The following ASB18 variants were observed in gnomAD, a reference collection of about 807,000 sequenced individuals.
The protein encoded by ASB18 is ankyrin repeat and SOCS box protein 18.
Under a neutral mutation model 33.4 loss-of-function variants are expected in ASB18, and 33 were observed. The observed-to-expected ratio is 0.99, with a 90% CI of 0.75 to 1.32. The LOEUF is 1.32. ASB18 is among the 40% of genes most tolerant of loss of function. ASB18 has a pLI of 0.00. For missense variants in ASB18, 694 were observed against 655.5 expected (o/e 1.06, Z -0.64); for synonymous variants, 295 against 307.6 (o/e 0.96, Z 0.43).
chr2:236,254,818 G>A (rs2060684668), intron 1 of ASB18, among the ~76,000 whole-genome samples: 1 of 152,090 alleles, frequency 6.6e-6, no homozygotes, highest in Admixed American at 6.6e-5. Flanking sequence ...CAGATCTCAT[G>A]CCAATTATCA....
In ASB18 at chr2:236,253,752, A is replaced by G. The variant is rs1018771282; in HGVS notation, c.205+10389T>C. 1 of 152,242 alleles carries G rather than the reference A, an allele frequency of 6.6e-6. No individual in the cohort carries two copies. Among genetic ancestry groups the G allele is most frequent in the African/African-American group, 2.4e-5 (1 of 41,458 alleles). The allele number at this position is 152,242 out of a possible 1,614,324, so 9.4% of individuals were successfully genotyped here. Reference sequence around the variant, plus strand: ...AAAATAAAACCGAAAAACGACAGGTAATTACAAGTCTGCAAATCACACACA... The same window carrying G: ...AAAATAAAACCGAAAAACGACAGGTGATTACAAGTCTGCAAATCACACACA... On this transcript the variant is annotated intron_variant, in intron 1 of 5. Transcript: ENST00000409749. This position sits in a 1 kb window ranked among gnomAD's most constrained non-coding sequence, Gnocchi z 5.4.
At chr2:236,206,364 C>G (rs926156740) in intron 4 of ASB18, among the ~76,000 whole-genome samples, 1 of 152,126 alleles carries the variant, frequency 6.6e-6, no homozygotes, top group Non-Finnish European at 1.5e-5. Flanking sequence ...ACTGAGGACA[C>G]CTCCTCAGGG....
rs1442764678 is a variant in ASB18 at position 236,211,602 on chromosome 2, G to A, written c.1101+2760C>T. Among the ~76,000 whole-genome samples, 10 of 152,216 alleles carry A rather than the reference G, an allele frequency of 6.6e-5. No individual in the cohort carries two copies. Among genetic ancestry groups the A allele is most frequent in the Non-Finnish European group, 1.2e-4 (8 of 68,036 alleles). On this transcript the variant is annotated intron_variant, in intron 4 of 5. Coordinates refer to ENST00000409749, the MANE Select transcript of ASB18 (RefSeq NM_212556.4). This position sits in a 1 kb window ranked among gnomAD's most constrained non-coding sequence, Gnocchi z 5.0. ...GTGCTGGTGACTCTACGCTCGGCTC[G>A]CCATGGCGCCCGTGTGGTGCCTGCC...
At position 236,204,903 on chromosome 2, in the gene ASB18, C is replaced by T. The variant is rs1202514116; in HGVS notation, c.1102-8518G>A. 6.6e-6 allele frequency among the ~76,000 whole-genome samples: 1 copy of T among 152,204 alleles called. No homozygotes were observed. The highest frequency in any genetic ancestry group is 1.5e-5 in the Non-Finnish European group (1 of 68,050). Reference sequence around the variant, plus strand: ...TTCTTGCAGTCTCTTGGGCTAGAATCAGAGTCGTCCATTGCTCCTGTTTCT... The same window carrying T: ...TTCTTGCAGTCTCTTGGGCTAGAATTAGAGTCGTCCATTGCTCCTGTTTCT... On this transcript the variant is annotated intron_variant, in intron 4 of 5. Transcript: ENST00000409749. The surrounding 1 kb of genome is among the most constrained non-coding windows in gnomAD (Gnocchi z 5.1).
rs1232973250 is a variant in ASB18, at chr2:236,263,069, A to G, written c.205+1072T>C. On this transcript the variant is annotated intron_variant, in intron 1 of 5. Transcript: ENST00000409749. The surrounding 1 kb of genome is among the most constrained non-coding windows in gnomAD (Gnocchi z 4.0). ...TGTGTGCACCTATGTTGGGAGGGAGAATGGGGGTGGAAAGGAGCCCTCAGC... is the reference window on the plus strand; with the variant it reads ...TGTGTGCACCTATGTTGGGAGGGAGGATGGGGGTGGAAAGGAGCCCTCAGC... Among the ~76,000 whole-genome samples, 1 of 152,072 alleles carries G rather than the reference A, an allele frequency of 6.6e-6. No homozygotes were observed. Among genetic ancestry groups the G allele is most frequent in the Non-Finnish European group, 1.5e-5 (1 of 68,020 alleles).
rs752131819 is a variant in ASB18, at chr2:236,238,004, G to A, written c.329-48C>T. ...TAAGGTCAGGGGGAGGTTAGTTGTG[G>A]TGGTGGTGGGCGGTGTTCCTTAAGG... On this transcript the variant is annotated intron_variant, in intron 2 of 5. Transcript: ENST00000409749. The surrounding 1 kb of genome is among the most constrained non-coding windows in gnomAD (Gnocchi z 5.2). 1 of 1,333,996 alleles carries A rather than the reference G, an allele frequency of 7.5e-7. No homozygotes were observed. The highest frequency in any genetic ancestry group is 9.6e-7 in the Non-Finnish European group (1 of 1,043,580). The allele number at this position is 1,333,996 out of a possible 1,614,324, so 82.6% of individuals were successfully genotyped here. A position where few individuals can be genotyped will look rare whatever the true frequency, so the allele number is the denominator to read the frequency against.
rs1028792978 is a variant in ASB18, at chr2:236,203,076, C to T, written c.1102-6691G>A. ...CCCTGTTATAGCTGGGTTGTATGCT[C>T]ACCACCTGTCCTTTAAGCCATCCCT... On this transcript the variant is annotated intron_variant, in intron 4 of 5. Coordinates refer to ENST00000409749, the MANE Select transcript of ASB18 (RefSeq NM_212556.4). The surrounding 1 kb of genome is among the most constrained non-coding windows in gnomAD (Gnocchi z 6.0). Among the ~76,000 whole-genome samples, 3 of 152,080 alleles carry T rather than the reference C, an allele frequency of 2.0e-5. No individual in the cohort carries two copies. Among genetic ancestry groups the T allele is most frequent in the South Asian group, 2.1e-4 (1 of 4,820 alleles).
At chr2:236,243,585 C>A (rs576663516) in intron 1 of ASB18, among the ~76,000 whole-genome samples, 1 of 152,098 alleles carries the variant, frequency 6.6e-6, no homozygotes, top group African/African-American at 2.4e-5. Context: ...TGCGGGGTTC[C>A]CAAAGACATG....
rs923009322 is a variant in ASB18, at chr2:236,234,084, G to T, written c.596+3605C>A. 6.6e-6 allele frequency among the ~76,000 whole-genome samples: 1 copy of T among 152,222 alleles called. No individual in the cohort carries two copies. Among genetic ancestry groups the T allele is most frequent in the African/African-American group, 2.4e-5 (1 of 41,450 alleles). On this transcript the variant is annotated intron_variant, in intron 3 of 5. Transcript: ENST00000409749. The surrounding 1 kb of genome is among the most constrained non-coding windows in gnomAD (Gnocchi z 4.1). ...ATGAAACAGAATAGAGATGAAGGGG[G>T]ATGGCTCTGCCATGGCACCTTGGTG...
rs1022585003 is a variant in ASB18 at position 236,239,827 on chromosome 2, C to T, written c.328+1453G>A. ...TTCAAACAGGGTCTGGTCGTTTCTG[C>T]TGCTGGATCTGCTGCAGGGCAGTCA... On this transcript the variant is annotated intron_variant, in intron 2 of 5. Coordinates refer to ENST00000409749, the MANE Select transcript of ASB18 (RefSeq NM_212556.4). This position sits in a 1 kb window ranked among gnomAD's most constrained non-coding sequence, Gnocchi z 5.6. 6.6e-6 allele frequency among the ~76,000 whole-genome samples: 1 copy of T among 152,226 alleles called. No homozygotes were observed. Among genetic ancestry groups the T allele is most frequent in the Non-Finnish European group, 1.5e-5 (1 of 68,038 alleles).
At position 236,194,053 on chromosome 2, in the gene ASB18, A is replaced by C. The variant is rs2060360032; in HGVS notation, c.*819T>G. On this transcript the variant is annotated 3_prime_UTR_variant, in exon 6 of 6. Transcript: ENST00000409749. This position sits in a 1 kb window ranked among gnomAD's most constrained non-coding sequence, Gnocchi z 4.5. Reference sequence around the variant, plus strand: ...TGGCCACGCACGACCCTGAACTAGAATAAGCACATTAGAATATGAATGAAT... The same window carrying C: ...TGGCCACGCACGACCCTGAACTAGACTAAGCACATTAGAATATGAATGAAT... 6.7e-6 allele frequency among the ~76,000 whole-genome samples: 1 copy of C among 149,794 alleles called. No individual in the cohort carries two copies. The highest frequency in any genetic ancestry group is 3.4e-3 in the Middle Eastern group (1 of 294).
intron 4 of ASB18, among the ~76,000 whole-genome samples, chr2:236,202,814 T>TACAC (rs1553599254): frequency 1.6e-5 from 2 of 126,576 alleles, no homozygotes; most frequent in African/African-American, 6.4e-5. Flanking sequence ...TATATATATA[T>TACAC]ACACACACCT....
chr2:236,259,042 C>T lies in ASB18; in HGVS notation c.205+5099G>A, dbSNP rs886551709. On this transcript the variant is annotated intron_variant, in intron 1 of 5. Coordinates refer to ENST00000409749, the MANE Select transcript of ASB18 (RefSeq NM_212556.4). This position sits in a 1 kb window ranked among gnomAD's most constrained non-coding sequence, Gnocchi z 4.4. ...TTGTACAGTTGATGCATTTGGGGGG[C>T]GAGATGGGTCTCACTGCCCCTCCCC... 2.6e-5 allele frequency among the ~76,000 whole-genome samples: 4 copies of T among 152,110 alleles called. No individual in the cohort carries two copies. The highest frequency in any genetic ancestry group is 6.5e-5 in the Admixed American group (1 of 15,274).
Position 236,213,877 on chromosome 2 carries a change from A to C in ASB18, c.1101+485T>G, listed in dbSNP as rs2060469989. ...AGAGAAGTCTGCAAATGTACGAAGCACTCTCATTAACAAGGTGGATGATCA... is the reference window on the plus strand; with the variant it reads ...AGAGAAGTCTGCAAATGTACGAAGCCCTCTCATTAACAAGGTGGATGATCA... On this transcript the variant is annotated intron_variant, in intron 4 of 5. Transcript: ENST00000409749. This position sits in a 1 kb window ranked among gnomAD's most constrained non-coding sequence, Gnocchi z 4.8. The C allele has an allele frequency of 6.1e-6, 1 of 164,394 alleles. No individual in the cohort carries two copies. Among genetic ancestry groups the C allele is most frequent in the African/African-American group, 2.4e-5 (1 of 41,514 alleles). The allele number at this position is 164,394 out of a possible 1,614,324, so 10.2% of individuals were successfully genotyped here.
Position 236,251,699 on chromosome 2 carries a change from A to G in ASB18, c.206-10297T>C, listed in dbSNP as rs2060669646. 6.6e-6 allele frequency among the ~76,000 whole-genome samples: 1 copy of G among 152,214 alleles called. No homozygotes were observed. The highest frequency in any genetic ancestry group is 2.4e-5 in the African/African-American group (1 of 41,460). On this transcript the variant is annotated intron_variant, in intron 1 of 5. Transcript: ENST00000409749. This position sits in a 1 kb window ranked among gnomAD's most constrained non-coding sequence, Gnocchi z 5.3. Reference sequence around the variant, plus strand: ...AACTTTAAACTTCCAACGGAAAAACAGGAAAAAAAATGATAAGAACTGTAA... The same window carrying G: ...AACTTTAAACTTCCAACGGAAAAACGGGAAAAAAAATGATAAGAACTGTAA...
Position 236,195,943 on chromosome 2 carries a change from A to G in ASB18, c.1215+329T>C, listed in dbSNP as rs2060369582. The G allele has an allele frequency of 5.4e-6, 2 of 373,238 alleles. No individual in the cohort carries two copies. Among genetic ancestry groups the G allele is most frequent in the African/African-American group, 2.1e-5 (1 of 47,864 alleles). 23.1% of individuals were successfully genotyped at this position (373,238 alleles called of 1,614,324 possible). ...AGCTGACTCACAGGGCCGGATTAGTATGTCCTGACGTGGAGCTAGGCCCGT... is the reference window on the plus strand; with the variant it reads ...AGCTGACTCACAGGGCCGGATTAGTGTGTCCTGACGTGGAGCTAGGCCCGT... On this transcript the variant is annotated intron_variant, in intron 5 of 5. Coordinates refer to ENST00000409749, the MANE Select transcript of ASB18 (RefSeq NM_212556.4). This position sits in a 1 kb window ranked among gnomAD's most constrained non-coding sequence, Gnocchi z 5.5.
rs1413804886 is a variant in ASB18 at position 236,195,749 on chromosome 2, C to T, written c.1215+523G>A. Among the ~76,000 whole-genome samples the T allele has an allele frequency of 6.6e-6, 1 of 152,186 alleles. No homozygotes were observed. The highest frequency in any genetic ancestry group is 1.9e-4 in the East Asian group (1 of 5,188). On this transcript the variant is annotated intron_variant, in intron 5 of 5. Coordinates refer to ENST00000409749, the MANE Select transcript of ASB18 (RefSeq NM_212556.4). The surrounding 1 kb of genome is among the most constrained non-coding windows in gnomAD (Gnocchi z 5.5). ...CAGTCTGGTCTTGAACTCCTGACCT[C>T]AAGCGATCTGCCTGCCTTGGCCTCT...
In ASB18 at chr2:236,228,453, C is replaced by T. The variant is rs1174076886; in HGVS notation, c.596+9236G>A. 6.6e-6 allele frequency among the ~76,000 whole-genome samples: 1 copy of T among 152,156 alleles called. No individual in the cohort carries two copies. The highest frequency in any genetic ancestry group is 1.5e-5 in the Non-Finnish European group (1 of 68,018). ...AAAGCTTCACACAGAAAGAACTTTG[C>T]AGAGGGCCCCCTTGATTATTCAGCT... On this transcript the variant is annotated intron_variant, in intron 3 of 5. Coordinates refer to ENST00000409749, the MANE Select transcript of ASB18 (RefSeq NM_212556.4). This position sits in a 1 kb window ranked among gnomAD's most constrained non-coding sequence, Gnocchi z 5.1.
At chr2:236,247,950 A>G (rs2060652086) in intron 1 of ASB18, 1 of 152,220 alleles carries the variant, frequency 6.6e-6, no homozygotes, top group South Asian at 2.1e-4. Context: ...GAGTGGAGTC[A>G]CCTGGAGCTC....
Sources: allele counts gnomAD v4.1 joint callset (sites outside exome capture counted in the v4.1 genomes callset), GRCh38; gene constraint gnomAD v4.1.1; non-coding constraint Gnocchi (gnomAD v3.1); transcripts MANE v1.5; gene names NCBI Gene and HGNC (gene_info 2026-07-23, HGNC 2026-07-21).